The following AUTS2 variants were observed in gnomAD, a reference collection of about 807,000 sequenced individuals.
The protein encoded by AUTS2 is activator of transcription and developmental regulator AUTS2.
In AUTS2, 17 loss-of-function variants were observed where a neutral mutation model predicts 112.4. The ratio of observed to expected loss-of-function variants is 0.15; its 90% CI spans 0.10 to 0.23. AUTS2 has a LOEUF of 0.23. Among genes scored for constraint, AUTS2 ranks in the 10% least tolerant of loss-of-function variants. The probability of loss-of-function intolerance (pLI) is 1.00; values close to 1 mark genes in which losing one functional copy is unlikely to be tolerated. For missense variants in AUTS2, 1,510 were observed against 1,701.6 expected (o/e 0.89, Z 1.98); for synonymous variants, 751 against 702.7 (o/e 1.07, Z -1.09).
intron 1 of AUTS2, among the ~76,000 whole-genome samples, chr7:69,830,459 A>G (rs143884073): frequency 2.6e-5 from 4 of 152,304 alleles, no homozygotes; most frequent in African/African-American, 2.4e-5. Flanking sequence ...TTGTTGTCTT[A>G]TTTCACCAAT....
At chr7:70,120,422 A>C (rs540633150) in intron 3 of AUTS2, 1 of 152,098 alleles carries the variant, frequency 6.6e-6, no homozygotes, top group African/African-American at 2.4e-5. Flanking sequence ...TTGTGTGTCC[A>C]TGTGTCTGAT....
At chr7:69,670,555 C>CAAAAAAAAAAAAAAAAAAAAA (rs200373158) in intron 1 of AUTS2, among the ~76,000 whole-genome samples, 1 of 119,072 alleles carries the variant, frequency 8.4e-6, no homozygotes, top group African/African-American at 3.3e-5. Context: ...CTTGATCCCT[C>CAAAAAAAAAAAAAAAAAAAAA]AAAAAAAAAA....
At chr7:69,890,261 C>G in intron 1 of AUTS2, among the ~76,000 whole-genome samples, 1 of 152,202 alleles carries the variant, frequency 6.6e-6, no homozygotes, top group South Asian at 2.1e-4. Flanking sequence ...GTGCAAAAAT[C>G]TCACTTAAAC....
intron 5 of AUTS2, among the ~76,000 whole-genome samples, chr7:70,622,350 G>T (rs1222338956): frequency 6.6e-6 from 1 of 152,216 alleles, no homozygotes; most frequent in Non-Finnish European, 1.5e-5. Context: ...CTGCCGTCTA[G>T]ACCTGGCATC....
chr7:70,227,286 T>A (rs143103292), intron 4 of AUTS2, among the ~76,000 whole-genome samples: 1 of 151,922 alleles, frequency 6.6e-6, no homozygotes, highest in African/African-American at 2.4e-5. Context: ...TTGGGCCTAC[T>A]TTTTTCTGGT....
At chr7:69,642,181 G>GT (rs1794826256) in intron 1 of AUTS2, among the ~76,000 whole-genome samples, 1 of 152,082 alleles carries the variant, frequency 6.6e-6, no homozygotes, top group African/African-American at 2.4e-5. Context: ...TGTTCATTTA[G>GT]TTTTTTTCTC....
chr7:70,087,074 T>G (rs1803646513), intron 2 of AUTS2, among the ~76,000 whole-genome samples: 1 of 152,042 alleles, frequency 6.6e-6, no homozygotes, highest in Admixed American at 6.6e-5. Context: ...CATTTGGTGA[T>G]CTTCCATTAT....
chr7:70,151,998 G>C (rs1000180442), intron 4 of AUTS2, among the ~76,000 whole-genome samples: 1 of 152,112 alleles, frequency 6.6e-6, no homozygotes, highest in Non-Finnish European at 1.5e-5. Flanking sequence ...AGTAGTATAA[G>C]AGCAAAATTG....
intron 1 of AUTS2, among the ~76,000 whole-genome samples, chr7:69,713,904 C>T (rs1177501207): frequency 6.6e-6 from 1 of 152,022 alleles, no homozygotes; most frequent in East Asian, 1.9e-4. Context: ...TGATGAAGTC[C>T]CAATACCAGT....
chr7:70,438,894 A>G (rs993247570), intron 5 of AUTS2, among the ~76,000 whole-genome samples: 11 of 152,182 alleles, frequency 7.2e-5, no homozygotes, highest in Non-Finnish European at 1.3e-4. Flanking sequence ...CTTGTCAGGG[A>G]CCCACTGGGA....
intron 4 of AUTS2, among the ~76,000 whole-genome samples, chr7:70,186,337 A>G (rs1809603787): frequency 6.6e-6 from 1 of 152,172 alleles, no homozygotes; most frequent in Admixed American, 6.5e-5. Context: ...TATAAAAAAG[A>G]AACTTTGGGA....
chr7:70,646,326 T>A (rs1806156573), intron 5 of AUTS2, among the ~76,000 whole-genome samples: 1 of 152,342 alleles, frequency 6.6e-6, no homozygotes, highest in Non-Finnish European at 1.5e-5. Flanking sequence ...CCATGGGGTT[T>A]CACCAGAGGG....
chr7:70,273,649 G>A (rs928184653), intron 4 of AUTS2, among the ~76,000 whole-genome samples: 13 of 151,980 alleles, frequency 8.6e-5, no homozygotes, highest in African/African-American at 2.4e-4. Context: ...TCACCCCTTG[G>A]TATACTGAGG....
At chr7:70,089,958 G>T (rs538311236) in intron 2 of AUTS2, among the ~76,000 whole-genome samples, 14 of 151,868 alleles carry the variant, frequency 9.2e-5, no homozygotes, top group Admixed American at 8.5e-4. Flanking sequence ...AGTGAGCCAG[G>T]ATCGTGCCAT....
chr7:70,066,105 AAATT>A (rs1370582891), intron 2 of AUTS2, among the ~76,000 whole-genome samples: 1 of 152,224 alleles, frequency 6.6e-6, no homozygotes, highest in Non-Finnish European at 1.5e-5. Context: ...CAATAATAAG[AAATT>A]AATCAGTTTG....
chr7:69,787,008 G>C (rs1789406597), intron 1 of AUTS2, among the ~76,000 whole-genome samples: 2 of 152,180 alleles, frequency 1.3e-5, no homozygotes, highest in South Asian at 4.1e-4. Context: ...TTATAGGCAA[G>C]TAAACTGAAA....
chr7:69,628,149 A>G (rs1794049305), intron 1 of AUTS2, among the ~76,000 whole-genome samples: 2 of 152,182 alleles, frequency 1.3e-5, no homozygotes, highest in South Asian at 4.1e-4. Context: ...TATTCTAAGA[A>G]CAGTCCCCTG....
chr7:69,617,581 C>A (rs551382113), intron 1 of AUTS2, among the ~76,000 whole-genome samples: 235 of 152,176 alleles, frequency 1.5e-3, no homozygotes, highest in Middle Eastern at 3.4e-3. Context: ...CTGAGTGACG[C>A]CAGAAGCTTA....
rs574290908 is a variant in AUTS2, at chr7:69,938,879, A to G, written c.522+39381A>G. 2.6e-5 allele frequency among the ~76,000 whole-genome samples: 4 copies of G among 152,342 alleles called. No homozygotes were observed. In the South Asian group the frequency reaches 8.3e-4, roughly 32 times the overall value. ...GCTACGATAAGCCAGCTGTGCTTAC[A>G]ATGGTGAAGATAAGGAATGGTGACT... On this transcript the variant is annotated intron_variant, in intron 2 of 18. Transcript: ENST00000342771.
Sources: gnomAD v4.1 joint callset for allele counts (sites outside exome capture counted in the v4.1 genomes callset) on GRCh38, gnomAD v4.1.1 for gene constraint, MANE v1.5 for transcripts, NCBI Gene and HGNC (gene_info 2026-07-23, HGNC 2026-07-21) for gene names.